PSKH1: variants seen among roughly 807,000 people sequenced by gnomAD.
The protein encoded by PSKH1 is serine/threonine-protein kinase H1.
In PSKH1, 12 loss-of-function variants were observed where a neutral mutation model predicts 26.7. That is an observed-to-expected ratio of 0.45 (90% CI 0.29 to 0.73). PSKH1 has a LOEUF of 0.73. Ranked by LOEUF, PSKH1 falls within the 30% of genes least tolerant of loss-of-function variation. The pLI, the probability that PSKH1 is intolerant of heterozygous loss-of-function variation, is 0.11. For synonymous variants in PSKH1, 213 were observed against 234.3 expected (o/e 0.91, Z 0.83); for missense variants, 431 against 595.2 (o/e 0.72, Z 2.87).
intron 1 of PSKH1, among the ~76,000 whole-genome samples, chr16:67,895,719 T>C (rs2058124623): frequency 1.3e-5 from 2 of 152,138 alleles, no homozygotes; most frequent in Admixed American, 1.3e-4. Context: ...GTATCTGTAT[T>C]TTGAGAAAAC....
At chr16:67,894,585 C>T (rs1196186298) in intron 1 of PSKH1, among the ~76,000 whole-genome samples, 2 of 152,164 alleles carry the variant, frequency 1.3e-5, no homozygotes, top group Non-Finnish European at 2.9e-5. Flanking sequence ...AAAAATCTAC[C>T]TTGCTTGGCA....
chr16:67,910,402 C>T (rs1317405333), intron 2 of PSKH1, among the ~76,000 whole-genome samples: 1 of 152,224 alleles, frequency 6.6e-6, no homozygotes, highest in Non-Finnish European at 1.5e-5. Context: ...TCTCAGAGAG[C>T]AGCTTCTCAT....
intron 1 of PSKH1, among the ~76,000 whole-genome samples, chr16:67,906,188 T>C (rs2058155499): frequency 6.6e-6 from 1 of 151,992 alleles, no homozygotes; most frequent in African/African-American, 2.4e-5. Context: ...TTCTTCTGCC[T>C]CAGCCTCCCA....
At chr16:67,908,462 T>C (rs1567399043) in intron 1 of PSKH1, among the ~76,000 whole-genome samples, 1 of 151,966 alleles carries the variant, frequency 6.6e-6, no homozygotes, top group East Asian at 1.9e-4. Context: ...TAGAGATGGG[T>C]TTTCACCATG....
In PSKH1 at chr16:67,929,649, C is replaced by G; in HGVS notation, c.*2007C>G. 2.1e-6 allele frequency: 1 copy of G among 477,944 alleles called. No homozygotes were observed. Among genetic ancestry groups the G allele is most frequent in the South Asian group, 2.9e-5 (1 of 34,396 alleles). The allele number at this position is 477,944 out of a possible 1,614,324, so 29.6% of individuals were successfully genotyped here. ...TCTGTATTCAGTAAACAGGCTGCCT[C>G]TCCAGGGAGGGCTGCCATTCATTCC... On this transcript the variant is annotated 3_prime_UTR_variant, in exon 3 of 3. Transcript: ENST00000291041.
intron 2 of PSKH1, among the ~76,000 whole-genome samples, chr16:67,918,213 G>T (rs1188220152): frequency 6.6e-6 from 1 of 152,194 alleles, no homozygotes; most frequent in Non-Finnish European, 1.5e-5. Context: ...CTAGAGGCAG[G>T]ACGGATGAAG....
intron 1 of PSKH1, among the ~76,000 whole-genome samples, chr16:67,900,011 G>C (rs970715063): frequency 6.6e-6 from 1 of 151,938 alleles, no homozygotes; most frequent in African/African-American, 2.4e-5. Flanking sequence ...GCTTAGGCTG[G>C]AGTGCAGTGG....
At chr16:67,899,146 C>T (rs2058134964) in intron 1 of PSKH1, among the ~76,000 whole-genome samples, 1 of 152,122 alleles carries the variant, frequency 6.6e-6, no homozygotes. Context: ...AGCTTGTGAA[C>T]AAACTTACTT....
rs564764197 is a variant in PSKH1, at chr16:67,927,804, C to T, written c.*162C>T. On this transcript the variant is annotated 3_prime_UTR_variant, in exon 3 of 3. Transcript: ENST00000291041. The surrounding 1 kb of genome is among the most constrained non-coding windows in gnomAD (Gnocchi z 5.5). Reference sequence around the variant, plus strand: ...CTGTGCCTTCAGCAGCCCCTGTCCTCACCATGGGCCTGGGCCAGGTGTGAC... The same window carrying T: ...CTGTGCCTTCAGCAGCCCCTGTCCTTACCATGGGCCTGGGCCAGGTGTGAC... 2.4e-6 allele frequency: 2 copies of T among 849,676 alleles called. No individual in the cohort carries two copies. The highest frequency in any genetic ancestry group is 3.5e-6 in the Non-Finnish European group (2 of 564,188). The allele number at this position is 849,676 out of a possible 1,614,324, so 52.6% of individuals were successfully genotyped here.
rs929448998 is a variant in PSKH1 at position 67,927,986 on chromosome 16, A to G, written c.*344A>G. ...TTGCCCTTTGACTTTTCCCCAATCA[A>G]AGGGAACTGCAGTGCTGGGTGGAGT... On this transcript the variant is annotated 3_prime_UTR_variant, in exon 3 of 3. Coordinates refer to ENST00000291041, the MANE Select transcript of PSKH1 (RefSeq NM_006742.3). The surrounding 1 kb of genome is among the most constrained non-coding windows in gnomAD (Gnocchi z 5.5). 9.9e-6 allele frequency: 3 copies of G among 303,574 alleles called. No homozygotes were observed. The highest frequency in any genetic ancestry group is 6.4e-5 in the African/African-American group (3 of 46,730). 18.8% of individuals were successfully genotyped at this position (303,574 alleles called of 1,614,324 possible).
intron 2 of PSKH1, among the ~76,000 whole-genome samples, chr16:67,925,947 T>C: frequency 6.6e-6 from 1 of 152,066 alleles, no homozygotes; most frequent in South Asian, 2.1e-4. Flanking sequence ...TGAGTGTGTG[T>C]GTCTGCTAGA....
chr16:67,920,339 G>A (rs1245360345), intron 2 of PSKH1, among the ~76,000 whole-genome samples: 2 of 152,168 alleles, frequency 1.3e-5, no homozygotes, highest in Non-Finnish European at 2.9e-5. Flanking sequence ...ATAGTTCATT[G>A]TAACCTTAAA....
intron 2 of PSKH1, among the ~76,000 whole-genome samples, chr16:67,926,879 G>T (rs532837698): frequency 6.6e-6 from 1 of 152,246 alleles, no homozygotes; most frequent in African/African-American, 2.4e-5. Context: ...GAGAGAGGTT[G>T]GATCTTCTCT....
chr16:67,912,988 GA>G (rs1264443696), intron 2 of PSKH1, among the ~76,000 whole-genome samples: 2 of 152,046 alleles, frequency 1.3e-5, no homozygotes, highest in Admixed American at 1.3e-4. Context: ...AGGAGTTTGA[GA>G]CCAGCCTGGG....
At chr16:67,903,236 C>T (rs917131770) in intron 1 of PSKH1, 22 of 152,202 alleles carry the variant, frequency 1.4e-4, no homozygotes, top group Admixed American at 1.0e-3. Flanking sequence ...GCAACCTCAA[C>T]CTCTTGGACT....
Position 67,927,297 on chromosome 16 carries a change from C to T in PSKH1, c.958-28C>T. ...TGGGGTGGGCAGTGTCAGATGCTCT[C>T]ACTCTAATGCTTGTCCTTGGTCTCT... On this transcript the variant is annotated intron_variant, in intron 2 of 2. Coordinates refer to ENST00000291041, the MANE Select transcript of PSKH1 (RefSeq NM_006742.3). This position sits in a 1 kb window ranked among gnomAD's most constrained non-coding sequence, Gnocchi z 5.5. The T allele has an allele frequency of 6.4e-7, 1 of 1,572,410 alleles. No individual in the cohort carries two copies. Among genetic ancestry groups the T allele is most frequent in the Non-Finnish European group, 8.7e-7 (1 of 1,154,170 alleles).
intron 2 of PSKH1, among the ~76,000 whole-genome samples, chr16:67,918,241 A>T (rs948562510): frequency 2.0e-5 from 3 of 152,124 alleles, no homozygotes; most frequent in African/African-American, 7.2e-5. Context: ...TGTAGGATTG[A>T]TATTAGAGTG....
intron 2 of PSKH1, among the ~76,000 whole-genome samples, chr16:67,910,464 T>A (rs184925428): frequency 1.3e-5 from 2 of 152,376 alleles, no homozygotes; most frequent in East Asian, 3.9e-4. Context: ...AGATCTGATT[T>A]TTTTTTAGAA....
Position 67,928,451 on chromosome 16 carries a change from CA to C in PSKH1, c.*810del, listed in dbSNP as rs2058226371. The C allele has an allele frequency of 6.5e-6, 1 of 152,682 alleles. No homozygotes were observed. Among genetic ancestry groups the C allele is most frequent in the Non-Finnish European group, 1.5e-5 (1 of 68,062 alleles). The allele number at this position is 152,682 out of a possible 1,614,324, so 9.5% of individuals were successfully genotyped here. ...CCCGTTGGATGTCCATTCCATTCCC[CA>C]GGTGCCTCCTTCCCAACTGGGGGTG... is the stretch of plus-strand genomic sequence containing the variant. On this transcript the variant is annotated 3_prime_UTR_variant, in exon 3 of 3. Coordinates refer to ENST00000291041, the MANE Select transcript of PSKH1 (RefSeq NM_006742.3). This position sits in a 1 kb window ranked among gnomAD's most constrained non-coding sequence, Gnocchi z 4.8.
Sources: allele counts gnomAD v4.1 joint callset (sites outside exome capture counted in the v4.1 genomes callset), GRCh38; gene constraint gnomAD v4.1.1; non-coding constraint Gnocchi (gnomAD v3.1); transcripts MANE v1.5; gene names NCBI Gene and HGNC (gene_info 2026-07-23, HGNC 2026-07-21).